ATR: variants seen among roughly 807,000 people sequenced by gnomAD.
ATR encodes ATR checkpoint kinase, also known as serine/threonine-protein kinase ATR.
Under a neutral mutation model 305.3 loss-of-function variants are expected in ATR, and 142 were observed. That is an observed-to-expected ratio of 0.47 (90% CI 0.41 to 0.53). The LOEUF (loss-of-function observed/expected upper bound fraction) is 0.53, where lower values mean the gene tolerates loss of function less well. Among genes scored for constraint, ATR ranks in the 20% least tolerant of loss-of-function variants. The pLI, the probability that ATR is intolerant of heterozygous loss-of-function variation, is 0.00. For synonymous variants in ATR, 1,050 were observed against 1,068.1 expected (o/e 0.98, Z 0.33); for missense variants, 2,135 against 3,133.1 (o/e 0.68, Z 7.60).
intron 5 of ATR, 98 bp from the exon 6 acceptor site, chr3:142,560,552 C>T: frequency 8.0e-7 from 1 of 1,247,422 alleles, no homozygotes; most frequent in Non-Finnish European, 1.1e-6. Flanking sequence ...GTAATATCAA[C>T]TATTCAAAAA....
intron 21 of ATR, among the ~76,000 whole-genome samples, chr3:142,524,557 A>C (rs1367983090): frequency 6.6e-6 from 1 of 152,030 alleles, no homozygotes; most frequent in Non-Finnish European, 1.5e-5. Flanking sequence ...ATGTACAATA[A>C]CAAATATACT....
At chr3:142,499,747 C>G (rs756542915) in intron 30 of ATR, 29 bp from the exon 31 acceptor site, 3 of 1,587,418 alleles carry the variant, frequency 1.9e-6, no homozygotes, top group Non-Finnish European at 1.7e-6. Flanking sequence ...ATCAACTAAA[C>G]TTTAATTTAT....
intron 36 of ATR, among the ~76,000 whole-genome samples, chr3:142,478,655 C>G (rs1052013773): frequency 4.6e-5 from 7 of 152,150 alleles, no homozygotes; most frequent in African/African-American, 1.7e-4. Context: ...TGTTAACCTT[C>G]TGTCTCGTTG....
rs776809771 is a variant in ATR at position 142,513,567 on chromosome 3, G to A, written c.4575C>T (p.Thr1525=). The change falls in exon 26 of 47, where the codon ACC becomes ACT. Residue 1525 remains threonine, a synonymous_variant. Transcript: ENST00000350721. ...CCAGAATATGTGGAAGAAGATAGAT[G>A]GTCACTTTGAAATCATGCTTCATCA... is the stretch of plus-strand genomic sequence containing the variant. The part of the protein sequence containing the change: ...SIMMKHDFKV[T]IYLLPHILVY... 1.2e-5 allele frequency: 19 copies of A among 1,612,994 alleles called. 1 individual carries two copies. In the East Asian group the frequency reaches 1.3e-4, roughly 11 times the overall value.
At chr3:142,475,138 G>T (rs567076632) in intron 36 of ATR, among the ~76,000 whole-genome samples, 11 of 152,258 alleles carry the variant, frequency 7.2e-5, no homozygotes, top group African/African-American at 2.2e-4. Context: ...TAGAGTACAT[G>T]TGCACAACGT....
At chr3:142,456,684 TC>T (rs1232321528) in intron 45 of ATR, among the ~76,000 whole-genome samples, 1 of 152,134 alleles carries the variant, frequency 6.6e-6, no homozygotes, top group African/African-American at 2.4e-5. Flanking sequence ...GAAAAGATGC[TC>T]ACCATCACTG....
At position 142,485,273 on chromosome 3, in the gene ATR, C is replaced by G. The variant is rs201091477; in HGVS notation, c.6088G>C (p.Ala2030Pro). 2 of 1,614,068 alleles carry G rather than the reference C, an allele frequency of 1.2e-6. No individual in the cohort carries two copies. Among genetic ancestry groups the G allele is most frequent in the Non-Finnish European group, 1.7e-6 (2 of 1,179,982 alleles). The part of the protein sequence containing the change: ...AIMKKYKDVT[A>P]CLPEWEDGHF... Reference sequence around the variant, plus strand: ...CCATCCTCCCATTCTGGCAGGCACGCGGTCACATCCTATAAAAAAGAACAT... The same window carrying G: ...CCATCCTCCCATTCTGGCAGGCACGGGGTCACATCCTATAAAAAAGAACAT... Residue 2030 changes from alanine (A) to proline (P), a missense_variant, in exon 36 of 47, where the codon GCG (alanine) becomes CCG (proline). Physicochemically the swap from Ala to Pro is conservative, Grantham distance 27. Coordinates refer to ENST00000350721, the MANE Select transcript of ATR (RefSeq NM_001184.4).
chr3:142,553,896 T>G lies in ATR; in HGVS notation c.2461A>C (p.Arg821=). 6.2e-7 allele frequency: 1 copy of G among 1,613,556 alleles called. No individual in the cohort carries two copies. The highest frequency in any genetic ancestry group is 8.5e-7 in the Non-Finnish European group (1 of 1,179,656). The change falls in exon 11 of 47, where the codon AGA becomes CGA. Residue 821 remains arginine, a synonymous_variant. Coordinates refer to ENST00000350721, the MANE Select transcript of ATR (RefSeq NM_001184.4). The part of the protein sequence containing the change: ...NLMEDPDKDV[R]VAFSGNIKHI... Reference sequence around the variant, plus strand: ...TTGATATTTCCACTAAAAGCCACTCTAACATCTTTGTCTGGATCTTCCATT... The same window carrying G: ...TTGATATTTCCACTAAAAGCCACTCGAACATCTTTGTCTGGATCTTCCATT...
At chr3:142,549,353 C>A in intron 15 of ATR, 126 bp downstream of exon 15, 1 of 631,898 alleles carries the variant, frequency 1.6e-6, no homozygotes, top group Non-Finnish European at 2.5e-6. Flanking sequence ...AACATAACAA[C>A]ATTTAAACTT....
In ATR at chr3:142,575,347, G is replaced by A. The variant is rs6778905; in HGVS notation, c.59+3299C>T. Among the ~76,000 whole-genome samples, 1,353 of 152,104 alleles carry A rather than the reference G, an allele frequency of 8.9e-3. 22 individuals carry two copies. The highest frequency in any genetic ancestry group is 0.031 in the African/African-American group (1,281 of 41,482). ...TAACAATATAAAAATTAGCTCGGTG[G>A]TGCAAGCCTGTAGTCCCAGCTACAG... On this transcript the variant is annotated intron_variant, in intron 1 of 46. Coordinates refer to ENST00000350721, the MANE Select transcript of ATR (RefSeq NM_001184.4).
chr3:142,493,071 G>A (rs1577563554), intron 35 of ATR, 61 bp downstream of exon 35: 1 of 1,568,864 alleles, frequency 6.4e-7, no homozygotes, highest in East Asian at 2.3e-5. Flanking sequence ...TTGCCATATA[G>A]ACTTAAGTCA....
intron 41 of ATR, among the ~76,000 whole-genome samples, chr3:142,463,021 A>C (rs1340136263): frequency 6.6e-6 from 1 of 152,162 alleles, no homozygotes; most frequent in Non-Finnish European, 1.5e-5. Flanking sequence ...AAGCACAATC[A>C]CTGATCAAAA....
chr3:142,561,120 TG>T, intron 5 of ATR, 122 bp downstream of exon 5: 1 of 1,099,286 alleles, frequency 9.1e-7, no homozygotes, highest in Non-Finnish European at 1.3e-6. Flanking sequence ...AGCACTCCCT[TG>T]GCTACATTTA....
At position 142,547,815 on chromosome 3, in the gene ATR, C is replaced by T. The variant is rs2034328604; in HGVS notation, c.3267G>A (p.Gln1089=). The T allele has an allele frequency of 6.2e-7, 1 of 1,613,826 alleles. No individual in the cohort carries two copies. The highest frequency in any genetic ancestry group is 1.3e-5 in the African/African-American group (1 of 74,906). The change falls in exon 16 of 47, where the codon CAG becomes CAA. Residue 1089 remains glutamine, a synonymous_variant. Transcript: ENST00000350721. ...CAAGTATTGACAAACCATTAAAAAC[C>T]TGTTGATAGTGTTCTCCAATACGCA... ...LLLRIGEHYQ[Q]VFNGLSILAS...
chr3:142,568,233 T>A, intron 1 of ATR, 79 bp from the exon 2 acceptor site: 3 of 1,038,052 alleles, frequency 2.9e-6, no homozygotes, highest in Non-Finnish European at 4.5e-6. Context: ...AAAGTAGAAC[T>A]CATCAAATGT....
At chr3:142,518,899 A>C (rs955079659) in intron 24 of ATR, among the ~76,000 whole-genome samples, 1 of 152,204 alleles carries the variant, frequency 6.6e-6, no homozygotes, top group African/African-American at 2.4e-5. Context: ...AAGTCATTTA[A>C]ATTTTTTAAG....
intron 38 of ATR, among the ~76,000 whole-genome samples, chr3:142,468,679 G>A (rs929149478): frequency 1.3e-5 from 2 of 151,936 alleles, no homozygotes; most frequent in South Asian, 2.1e-4. Context: ...ATGCAATAAC[G>A]GTTTTTTAGT....
chr3:142,497,081 G>C lies in ATR; in HGVS notation c.5670C>G (p.Thr1890=), dbSNP rs772299959. ...SLNWVARLEM[T]QNSYRAKEPI... is the part of the protein sequence containing the mutation. Reference sequence around the variant, plus strand: ...GCTCCTTGGCTCTGTAGGAATTCTGGGTCATTTCTAGTCGAGCTACCCAGT... The same window carrying C: ...GCTCCTTGGCTCTGTAGGAATTCTGCGTCATTTCTAGTCGAGCTACCCAGT... Residue 1890 remains threonine, a synonymous_variant, in exon 33 of 47, where the codon ACC becomes ACG. Transcript: ENST00000350721. 6.2e-7 allele frequency: 1 copy of C among 1,613,812 alleles called. No individual in the cohort carries two copies. The highest frequency in any genetic ancestry group is 8.5e-7 in the Non-Finnish European group (1 of 1,179,910).
At position 142,524,077 on chromosome 3, in the gene ATR, T is replaced by C. The variant is rs534071055; in HGVS notation, c.4068A>G (p.Glu1356=). The change falls in exon 22 of 47, where the codon GAA becomes GAG. Residue 1356 remains glutamate, a synonymous_variant. Coordinates refer to ENST00000350721, the MANE Select transcript of ATR (RefSeq NM_001184.4). ...ANSQARLLCG[E]CLGELGAIDP... Reference sequence around the variant, plus strand: ...CTATCGCCCCCAATTCCCCTAAACATTCCCCACAGAGCAACCGAGCTTGAG... The same window carrying C: ...CTATCGCCCCCAATTCCCCTAAACACTCCCCACAGAGCAACCGAGCTTGAG... 1 of 1,614,060 alleles carries C rather than the reference T, an allele frequency of 6.2e-7. No homozygotes were observed. The highest frequency in any genetic ancestry group is 1.7e-5 in the Admixed American group (1 of 60,010).
Sources: allele counts gnomAD v4.1 joint callset (sites outside exome capture counted in the v4.1 genomes callset), GRCh38; gene constraint gnomAD v4.1.1; transcripts MANE v1.5; gene names NCBI Gene and HGNC (gene_info 2026-07-23, HGNC 2026-07-21).